Variants in COBL observed in about 807,000 individuals in gnomAD.
The protein encoded by COBL is protein cordon-bleu.
In COBL, 51 loss-of-function variants were observed where a neutral mutation model predicts 98.8. That is an observed-to-expected ratio of 0.52 (90% CI 0.41 to 0.65). The LOEUF is 0.65. COBL is among the 30% of genes least tolerant of loss of function. The pLI, the probability that COBL is intolerant of heterozygous loss-of-function variation, is 0.00. For synonymous variants in COBL, 634 were observed against 651.7 expected (o/e 0.97, Z 0.41); for missense variants, 1,617 against 1,617.5 (o/e 1.00, Z 0.01).
In COBL at chr7:51,316,736, C is replaced by T. The variant is rs1484579528; in HGVS notation, c.-103G>A. ...CCTCATTCACTTTTTCCGCGCTGAC[C>T]CATCGTCCTCCCACGCGGGCCGGCG... On this transcript the variant is annotated 5_prime_UTR_variant, in exon 1 of 13. Coordinates refer to ENST00000265136, the MANE Select transcript of COBL (RefSeq NM_015198.5). 3.3e-6 allele frequency: 3 copies of T among 913,026 alleles called. No homozygotes were observed. Among genetic ancestry groups the T allele is most frequent in the Non-Finnish European group, 4.2e-6 (3 of 708,138 alleles). 56.6% of individuals were successfully genotyped at this position (913,026 alleles called of 1,614,324 possible). A position where few individuals can be genotyped will look rare whatever the true frequency, so the allele number is the denominator to read the frequency against.
At chr7:51,017,858 G>T (rs976683050) in intron 12 of COBL, among the ~76,000 whole-genome samples, 1 of 152,224 alleles carries the variant, frequency 6.6e-6, no homozygotes, top group Non-Finnish European at 1.5e-5. Context: ...TCCAGACAGA[G>T]GACACTGCCT....
intron 1 of COBL, among the ~76,000 whole-genome samples, chr7:51,306,245 T>A (rs1017967898): frequency 6.6e-6 from 1 of 152,106 alleles, no homozygotes; most frequent in African/African-American, 2.4e-5. Context: ...TGGAGGGTGC[T>A]GGCCTCTAGA....
chr7:51,101,242 T>C (rs1795779168), intron 6 of COBL, among the ~76,000 whole-genome samples: 1 of 152,236 alleles, frequency 6.6e-6, no homozygotes, highest in Non-Finnish European at 1.5e-5. Flanking sequence ...AGACAAGGTC[T>C]AATGGGAGTT....
intron 3 of COBL, 45 bp from the exon 4 acceptor site, chr7:51,191,123 C>T: frequency 3.9e-6 from 6 of 1,538,226 alleles, no homozygotes; most frequent in Non-Finnish European, 5.3e-6. Flanking sequence ...GATATCCTCC[C>T]ACAAGCCTTC....
At chr7:51,268,428 A>G (rs11238437) in intron 1 of COBL, among the ~76,000 whole-genome samples, 47,840 of 151,908 alleles carry the variant, frequency 0.31, 9,235 homozygotes, top group Non-Finnish European at 0.43. Context: ...ACTTCCACCC[A>G]CTGGACACTT....
intron 2 of COBL, among the ~76,000 whole-genome samples, chr7:51,205,642 TTTTTG>T (rs1791609913): frequency 9.4e-6 from 1 of 106,016 alleles, no homozygotes; most frequent in Non-Finnish European, 2.3e-5. Flanking sequence ...GTTTTTTGGT[TTTTTG>T]TTTTTTTTTT....
chr7:51,261,387 A>G (rs1797705894), intron 1 of COBL, among the ~76,000 whole-genome samples: 1 of 152,210 alleles, frequency 6.6e-6, no homozygotes, highest in South Asian at 2.1e-4. Context: ...CTCACCTGTC[A>G]TATTCATGGC....
intron 7 of COBL, among the ~76,000 whole-genome samples, chr7:51,056,344 G>A (rs1018244399): frequency 1.3e-4 from 19 of 151,878 alleles, no homozygotes; most frequent in African/African-American, 4.6e-4. Context: ...AGGCAGCAAA[G>A]AGCCTCTACA....
At chr7:51,140,202 T>C (rs1277358882) in intron 5 of COBL, among the ~76,000 whole-genome samples, 1 of 152,100 alleles carries the variant, frequency 6.6e-6, no homozygotes, top group Non-Finnish European at 1.5e-5. Flanking sequence ...TCAGGCTTCA[T>C]GGGACTTAGG....
At chr7:51,100,535 C>T (rs568322077) in intron 6 of COBL, among the ~76,000 whole-genome samples, 61 of 152,248 alleles carry the variant, frequency 4.0e-4, no homozygotes, top group South Asian at 2.3e-3. Context: ...GTAATAATAA[C>T]GACATATTCC....
At chr7:51,107,425 T>C (rs1027287801) in intron 6 of COBL, among the ~76,000 whole-genome samples, 1 of 152,182 alleles carries the variant, frequency 6.6e-6, no homozygotes, top group African/African-American at 2.4e-5. Flanking sequence ...TGGAGATCTC[T>C]TCATATTTTC....
At chr7:51,114,918 T>C in intron 6 of COBL, among the ~76,000 whole-genome samples, 1 of 152,002 alleles carries the variant, frequency 6.6e-6, no homozygotes, top group African/African-American at 2.4e-5. Flanking sequence ...GGCACTTAAA[T>C]TATTCAGCTG....
intron 1 of COBL, among the ~76,000 whole-genome samples, chr7:51,297,636 GC>G (rs1362930117): frequency 1.3e-5 from 2 of 151,984 alleles, no homozygotes; most frequent in African/African-American, 2.4e-5. Context: ...CAGGTGATCT[GC>G]CCGCCTCAGC....
chr7:51,097,642 T>G (rs775766101), intron 6 of COBL, among the ~76,000 whole-genome samples: 6 of 152,194 alleles, frequency 3.9e-5, no homozygotes, highest in Non-Finnish European at 8.8e-5. Context: ...AGTTTTGTTT[T>G]TATACACTAA....
chr7:51,309,277 C>G (rs1457528679), intron 1 of COBL, among the ~76,000 whole-genome samples: 1 of 152,142 alleles, frequency 6.6e-6, no homozygotes, highest in Admixed American at 6.5e-5. Context: ...GCATCTCCCC[C>G]TCCTCAGGCC....
At chr7:51,261,146 T>G (rs1250469073) in intron 1 of COBL, among the ~76,000 whole-genome samples, 2 of 152,110 alleles carry the variant, frequency 1.3e-5, no homozygotes, top group Non-Finnish European at 2.9e-5. Flanking sequence ...GATGGCTTAC[T>G]CCTCTCTTCA....
At chr7:51,021,932 G>A (rs1588236115) in intron 12 of COBL, among the ~76,000 whole-genome samples, 2 of 152,160 alleles carry the variant, frequency 1.3e-5, no homozygotes, top group East Asian at 3.9e-4. Context: ...ATGAATCATT[G>A]GTCCAGGTGA....
chr7:51,274,548 G>A (rs747577568), intron 1 of COBL, among the ~76,000 whole-genome samples: 19 of 152,228 alleles, frequency 1.2e-4, no homozygotes, highest in Non-Finnish European at 2.5e-4. Context: ...CTGGTGCTGG[G>A]CAGAGAAGAC....
intron 1 of COBL, among the ~76,000 whole-genome samples, chr7:51,281,615 T>G (rs1351094127): frequency 6.7e-6 from 1 of 149,778 alleles, no homozygotes; most frequent in East Asian, 2.0e-4. Context: ...ATGGCTAGAA[T>G]GAAGTCGAAA....
Sources: allele counts gnomAD v4.1 joint callset (sites outside exome capture counted in the v4.1 genomes callset), GRCh38; gene constraint gnomAD v4.1.1; transcripts MANE v1.5; gene names NCBI Gene and HGNC (gene_info 2026-07-23, HGNC 2026-07-21).